The following MAP1B variants were observed in gnomAD, a reference collection of about 807,000 sequenced individuals.
MAP1B encodes the protein microtubule-associated protein 1B.
In MAP1B, 12 loss-of-function variants were observed where a neutral mutation model predicts 176.1. That is an observed-to-expected ratio of 0.07 (90% CI 0.04 to 0.11). The LOEUF is 0.11. MAP1B is among the 10% of genes least tolerant of loss of function. MAP1B has a pLI of 1.00. For missense variants in MAP1B, 2,523 were observed against 2,990.5 expected, an observed-to-expected ratio of 0.84 and a Z score of 3.65; for synonymous variants, 1,044 against 1,135.0, an observed-to-expected ratio of 0.92 and a Z score of 1.61.
At chr5:72,200,456 T>C (rs1336424631) in intron 5 of MAP1B, 89 bp downstream of exon 5, 2 of 1,482,116 alleles carry the variant, frequency 1.3e-6, no homozygotes, top group African/African-American at 2.8e-5. Context: ...GGCTTTGTAC[T>C]GGGAAGATGA....
chr5:72,136,304 T>G (rs1221461221), intron 2 of MAP1B, among the ~76,000 whole-genome samples: 1 of 152,184 alleles, frequency 6.6e-6, no homozygotes, highest in Admixed American at 6.5e-5. Context: ...GCTACCTGAA[T>G]GTAAATATAA....
In MAP1B at chr5:72,194,837, C is replaced by T; in HGVS notation, c.1482C>T (p.Thr494=). 6.2e-7 allele frequency: 1 copy of T among 1,614,142 alleles called. No individual in the cohort carries two copies. Among genetic ancestry groups the T allele is most frequent in the Non-Finnish European group, 8.5e-7 (1 of 1,180,022 alleles). The part of the protein sequence containing the change: ...IIRVLFPGNS[T]QYNILEGLEK... ...GAGTCCTGTTTCCTGGGAACAGCAC[C>T]CAGTACAACATCCTGGAAGGGTTGG... Residue 494 remains threonine (T), a synonymous_variant, in exon 5 of 7, where the codon ACC becomes ACT. Transcript: ENST00000296755. This position sits in a 1 kb window ranked among gnomAD's most constrained non-coding sequence, Gnocchi z 7.2.
rs776287784 is a variant in MAP1B, at chr5:72,194,525, A to G, written c.1170A>G (p.Lys390=). ...EACFTLQYLN[K]LSMKPEPLFR... ...GCTTCACTCTCCAGTACCTAAACAA[A>G]TTGTCCATGAAACCAGAACCTCTGT... The change falls in exon 5 of 7, where the codon AAA becomes AAG. Residue 390 remains lysine, a synonymous_variant. Transcript: ENST00000296755. The surrounding 1 kb of genome is among the most constrained non-coding windows in gnomAD (Gnocchi z 7.2). 1 of 1,614,120 alleles carries G rather than the reference A, an allele frequency of 6.2e-7. No individual in the cohort carries two copies. The highest frequency in any genetic ancestry group is 1.1e-5 in the South Asian group (1 of 91,076).
intron 2 of MAP1B, among the ~76,000 whole-genome samples, chr5:72,137,203 GA>G (rs1383365882): frequency 1.2e-4 from 18 of 152,180 alleles, no homozygotes; most frequent in Admixed American, 1.1e-3. Flanking sequence ...ACCATTTGCT[GA>G]TAGATCCTGT....
At chr5:72,122,610 C>A (rs980109073) in intron 2 of MAP1B, among the ~76,000 whole-genome samples, 5 of 151,260 alleles carry the variant, frequency 3.3e-5, no homozygotes, top group Non-Finnish European at 5.9e-5. Context: ...TGGGCTCTTT[C>A]AGACCACCCT....
At chr5:72,144,153 G>C (rs1160257677) in intron 2 of MAP1B, among the ~76,000 whole-genome samples, 1 of 152,114 alleles carries the variant, frequency 6.6e-6, no homozygotes, top group African/African-American at 2.4e-5. Context: ...GGGGAATACT[G>C]TTCAATCTAG....
rs183745545 is a variant in MAP1B, at chr5:72,114,507, G to T, written c.185-1191G>T. 2.6e-3 allele frequency among the ~76,000 whole-genome samples: 403 copies of T among 152,336 alleles called. 1 individual carries two copies. The highest frequency in any genetic ancestry group is 9.4e-3 in the African/African-American group (390 of 41,578). ...TAAATGTCTGTTGTTCTAGAGATTT[G>T]TTCCTGGCAATTGAGAATGCTGTAT... On this transcript the variant is annotated intron_variant, in intron 1 of 6. Coordinates refer to ENST00000296755, the MANE Select transcript of MAP1B (RefSeq NM_005909.5).
intron 1 of MAP1B, 59 bp from the exon 2 acceptor site, chr5:72,115,639 C>A (rs1316602411): frequency 5.2e-6 from 5 of 958,606 alleles, no homozygotes; most frequent in Non-Finnish European, 8.6e-6. Flanking sequence ...TGATGTTGTC[C>A]AAACCACTCT....
intron 2 of MAP1B, chr5:72,116,119 A>C (rs568099716): frequency 3.1e-6 from 1 of 325,590 alleles, no homozygotes; most frequent in South Asian, 2.9e-5. Context: ...AGAGAGAGAA[A>C]GAGAGAGAGA....
In MAP1B at chr5:72,186,391, G is replaced by A. The variant is rs1746898239; in HGVS notation, c.370-223G>A. Among the ~76,000 whole-genome samples, 1 of 152,202 alleles carries A rather than the reference G, an allele frequency of 6.6e-6. No individual in the cohort carries two copies. The highest frequency in any genetic ancestry group is 2.1e-4 in the South Asian group (1 of 4,832). On this transcript the variant is annotated intron_variant, in intron 3 of 6. Transcript: ENST00000296755. This position sits in a 1 kb window ranked among gnomAD's most constrained non-coding sequence, Gnocchi z 4.3. ...GAAACTTTGAAAATGGCATTCTTGG[G>A]CAAACTGATAACTACACTTATTGGC...
chr5:72,133,454 A>C (rs1479261414), intron 2 of MAP1B, among the ~76,000 whole-genome samples: 9 of 152,152 alleles, frequency 5.9e-5, no homozygotes, highest in African/African-American at 2.2e-4. Flanking sequence ...GTATTTGAAG[A>C]GTGTGTCAAA....
chr5:72,142,829 G>C (rs116293273), intron 2 of MAP1B, among the ~76,000 whole-genome samples: 1,625 of 152,120 alleles, frequency 0.011, 29 homozygotes, highest in African/African-American at 0.037. Context: ...AGGCCGTAGT[G>C]CGTAAACATT....
rs377301170 is a variant in MAP1B, at chr5:72,180,866, G to A, written c.287-2877G>A. 6.6e-5 allele frequency among the ~76,000 whole-genome samples: 10 copies of A among 152,080 alleles called. No individual in the cohort carries two copies. The South Asian group carries it at 1.9e-3, about 28-fold the overall frequency. On this transcript the variant is annotated intron_variant, in intron 2 of 6. Transcript: ENST00000296755. ...TGGACCTTTCCCTAACTGTCTTTTGGCATTTGGTGTCTGTGCCTTGTCTGT... is the reference window on the plus strand; with the variant it reads ...TGGACCTTTCCCTAACTGTCTTTTGACATTTGGTGTCTGTGCCTTGTCTGT...
At chr5:72,182,053 G>A (rs548126003) in intron 2 of MAP1B, among the ~76,000 whole-genome samples, 2 of 122,638 alleles carry the variant, frequency 1.6e-5, no homozygotes, top group Non-Finnish European at 3.2e-5. Context: ...TTGGAGACAC[G>A]GGGTCTCACT....
chr5:72,140,669 G>A (rs1745930951), intron 2 of MAP1B, among the ~76,000 whole-genome samples: 1 of 152,178 alleles, frequency 6.6e-6, no homozygotes, highest in Admixed American at 6.5e-5. Context: ...GTTAAAAGAG[G>A]AGATTTACAC....
At chr5:72,193,556 G>A (rs1747075577) in intron 4 of MAP1B, among the ~76,000 whole-genome samples, 1 of 152,162 alleles carries the variant, frequency 6.6e-6, no homozygotes, top group Admixed American at 6.5e-5. Context: ...TAGAACTGGA[G>A]CAGAGTACTG....
At position 72,107,618 on chromosome 5, in the gene MAP1B, G is replaced by C. The variant is rs762812492; in HGVS notation, c.87G>C (p.Ser29=). Residue 29 remains serine, a synonymous_variant, in exon 1 of 7, where the codon TCG becomes TCC. Transcript: ENST00000296755. ...CGGCGTCCACCTCGCCTAGCCTGTC[G>C]CACCGCTTCCTTGACAGCAAGTTCT... The part of the protein sequence containing the change: ...NPAASTSPSL[S]HRFLDSKFYL... The C allele has an allele frequency of 6.3e-7, 1 of 1,599,652 alleles. No homozygotes were observed. Among genetic ancestry groups the C allele is most frequent in the African/African-American group, 1.3e-5 (1 of 75,012 alleles).
chr5:72,183,965 C>A, intron 3 of MAP1B, 140 bp downstream of exon 3: 1 of 677,060 alleles, frequency 1.5e-6, no homozygotes, highest in African/African-American at 1.8e-5. Flanking sequence ...CTTTCTCAAC[C>A]CCCATTAAGT....
intron 3 of MAP1B, 108 bp downstream of exon 3, chr5:72,183,933 GAGA>G: frequency 1.1e-6 from 1 of 945,134 alleles, no homozygotes; most frequent in East Asian, 2.4e-5. Flanking sequence ...ACACAACAGA[GAGA>G]AGTTCTGGGT....
Sources: gnomAD v4.1 joint callset for allele counts (sites outside exome capture counted in the v4.1 genomes callset) on GRCh38, gnomAD v4.1.1 for gene constraint, Gnocchi (gnomAD v3.1) non-coding constraint, MANE v1.5 for transcripts, NCBI Gene and HGNC (gene_info 2026-07-23, HGNC 2026-07-21) for gene names.